CNTN4: variants seen among roughly 807,000 people sequenced by gnomAD.
CNTN4 encodes contactin-4.
A neutral mutation model predicts 122.5 loss-of-function variants in CNTN4; 77 were observed. The ratio of observed to expected loss-of-function variants is 0.63; its 90% CI spans 0.52 to 0.76. CNTN4 has a LOEUF of 0.76. CNTN4 is among the 30% of genes least tolerant of loss of function. The pLI is 0.00. For synonymous variants in CNTN4, 512 were observed against 447.0 expected, an observed-to-expected ratio of 1.15 and a Z score of -1.83; for missense variants, 1,256 against 1,259.1, an observed-to-expected ratio of 1.00 and a Z score of 0.04.
intron 4 of CNTN4, among the ~76,000 whole-genome samples, chr3:2,650,471 G>A (rs952186337): frequency 8.5e-5 from 13 of 152,220 alleles, no homozygotes; most frequent in African/African-American, 2.9e-4. Flanking sequence ...CAGTGGTGGA[G>A]TTTGAGAGGA....
chr3:2,544,538 A>G (rs1221204906), intron 3 of CNTN4, among the ~76,000 whole-genome samples: 1 of 152,112 alleles, frequency 6.6e-6, no homozygotes, highest in Non-Finnish European at 1.5e-5. Context: ...GTCCTCAAGA[A>G]ACTTATAATT....
At chr3:2,991,353 T>G (rs1321605383) in intron 14 of CNTN4, among the ~76,000 whole-genome samples, 1 of 152,176 alleles carries the variant, frequency 6.6e-6, no homozygotes, top group Non-Finnish European at 1.5e-5. Context: ...GTAGAATTCA[T>G]GTGTTTCCAA....
At chr3:2,989,845 T>C (rs956913521) in intron 14 of CNTN4, among the ~76,000 whole-genome samples, 1 of 152,232 alleles carries the variant, frequency 6.6e-6, no homozygotes, top group African/African-American at 2.4e-5. Context: ...AGTAATCATT[T>C]AGGACCAAGA....
At chr3:2,230,169 G>A (rs114580523) in intron 2 of CNTN4, among the ~76,000 whole-genome samples, 457 of 152,298 alleles carry the variant, frequency 3.0e-3, no homozygotes, top group African/African-American at 0.011. Flanking sequence ...ACACAGCAGC[G>A]CATTGACAGC....
chr3:2,625,459 A>AT (rs1485220663), intron 4 of CNTN4, among the ~76,000 whole-genome samples: 1 of 152,010 alleles, frequency 6.6e-6, no homozygotes, highest in Non-Finnish European at 1.5e-5. Flanking sequence ...AATTTCCAGA[A>AT]TGCTCCTCTG....
intron 2 of CNTN4, among the ~76,000 whole-genome samples, chr3:2,148,117 C>CT (rs1260586592): frequency 6.6e-6 from 1 of 152,152 alleles, no homozygotes; most frequent in African/African-American, 2.4e-5. Flanking sequence ...GGTTGTGGGA[C>CT]TTTATCGCTA....
intron 7 of CNTN4, among the ~76,000 whole-genome samples, chr3:2,843,119 G>A (rs537869907): frequency 6.6e-6 from 1 of 152,178 alleles, no homozygotes; most frequent in African/African-American, 2.4e-5. Flanking sequence ...GCATCTCAAA[G>A]GTAATATGAC....
intron 10 of CNTN4, 90 bp downstream of exon 10, chr3:2,887,314 G>T: frequency 8.3e-7 from 1 of 1,203,136 alleles, no homozygotes; most frequent in East Asian, 2.4e-5. Context: ...GGCATTTTGG[G>T]AGAGATGGTG....
intron 3 of CNTN4, among the ~76,000 whole-genome samples, chr3:2,502,110 C>T (rs979572356): frequency 6.6e-6 from 1 of 151,948 alleles, no homozygotes; most frequent in African/African-American, 2.4e-5. Flanking sequence ...TTTGAAACAC[C>T]TCTGGCCCCA....
intron 3 of CNTN4, among the ~76,000 whole-genome samples, chr3:2,340,719 A>AGAGAGAGGGG (rs1553627591): frequency 7.4e-6 from 1 of 134,858 alleles, no homozygotes; most frequent in African/African-American, 2.7e-5. Flanking sequence ...ATAGAGAGAG[A>AGAGAGAGGGG]GAGAGAGAGA....
chr3:2,551,738 T>A (rs2078515940), intron 3 of CNTN4, among the ~76,000 whole-genome samples: 1 of 152,190 alleles, frequency 6.6e-6, no homozygotes, highest in South Asian at 2.1e-4. Flanking sequence ...TTATCATCAA[T>A]GCTTTTATAA....
intron 2 of CNTN4, among the ~76,000 whole-genome samples, chr3:2,282,706 G>A (rs1201291544): frequency 1.3e-5 from 2 of 152,128 alleles, no homozygotes; most frequent in East Asian, 3.8e-4. Flanking sequence ...CAAGTTCATA[G>A]CAGCATTATT....
chr3:2,634,407 AC>A (rs1362167819), intron 4 of CNTN4, among the ~76,000 whole-genome samples: 3 of 152,212 alleles, frequency 2.0e-5, no homozygotes, highest in African/African-American at 7.2e-5. Context: ...CTCTTTCAGA[AC>A]TTATTCAATG....
At chr3:2,428,333 C>T (rs905683388) in intron 3 of CNTN4, among the ~76,000 whole-genome samples, 1 of 152,120 alleles carries the variant, frequency 6.6e-6, no homozygotes, top group African/African-American at 2.4e-5. Flanking sequence ...ACTTATGAAG[C>T]TTAGTTTGGC....
chr3:2,202,974 A>G (rs1003608598), intron 2 of CNTN4, among the ~76,000 whole-genome samples: 4 of 148,174 alleles, frequency 2.7e-5, no homozygotes, highest in Non-Finnish European at 5.9e-5. Context: ...GGTGCATGCC[A>G]CCAAGCCTGG....
At chr3:2,720,131 G>T (rs76218880) in intron 4 of CNTN4, among the ~76,000 whole-genome samples, 12,059 of 152,134 alleles carry the variant, frequency 0.079, 809 homozygotes, top group African/African-American at 0.19. Context: ...TGCTTTGAAA[G>T]CAGAAGGAAA....
chr3:2,592,353 A>C (rs2080537115), intron 4 of CNTN4, among the ~76,000 whole-genome samples: 1 of 152,220 alleles, frequency 6.6e-6, no homozygotes, highest in African/African-American at 2.4e-5. Flanking sequence ...AGGAAAAGAC[A>C]AATATAATTC....
intron 14 of CNTN4, among the ~76,000 whole-genome samples, chr3:3,014,532 C>G (rs1427826461): frequency 6.6e-6 from 1 of 152,032 alleles, no homozygotes; most frequent in African/African-American, 2.4e-5. Flanking sequence ...CAAAAGACTG[C>G]CTTTTCACTT....
At chr3:2,196,793 C>T (rs555717566) in intron 2 of CNTN4, among the ~76,000 whole-genome samples, 1 of 151,578 alleles carries the variant, frequency 6.6e-6, no homozygotes, top group African/African-American at 2.4e-5. Context: ...TCCTGTAATC[C>T]CAGCACTTTG....
Sources: gnomAD v4.1 joint callset for allele counts (sites outside exome capture counted in the v4.1 genomes callset) on GRCh38, gnomAD v4.1.1 for gene constraint, MANE v1.5 for transcripts, NCBI Gene and HGNC (gene_info 2026-07-23, HGNC 2026-07-21) for gene names.